Variants in GRXCR1 observed in about 807,000 individuals in gnomAD.
GRXCR1 encodes glutaredoxin domain-containing cysteine-rich protein 1.
Under a neutral mutation model 27.3 loss-of-function variants are expected in GRXCR1, and 27 were observed. The observed-to-expected ratio is 0.99, with a 90% CI of 0.73 to 1.37. The LOEUF (loss-of-function observed/expected upper bound fraction) is 1.37, where lower values mean the gene tolerates loss of function less well. Among genes scored for constraint, GRXCR1 ranks in the 40% most tolerant of loss-of-function variants. GRXCR1 has a pLI of 0.00. For synonymous variants in GRXCR1, 122 were observed against 131.1 expected (o/e 0.93, Z 0.47); for missense variants, 379 against 354.4 (o/e 1.07, Z -0.56).
At chr4:42,962,358 G>C (rs1560666190) in intron 1 of GRXCR1, among the ~76,000 whole-genome samples, 1 of 151,920 alleles carries the variant, frequency 6.6e-6, no homozygotes, top group Admixed American at 6.6e-5. Context: ...TCACTCAACA[G>C]AGCCCTTGCA....
chr4:42,921,228 C>T (rs2109750885), intron 1 of GRXCR1, among the ~76,000 whole-genome samples: 1 of 152,144 alleles, frequency 6.6e-6, no homozygotes, highest in Middle Eastern at 3.4e-3. Context: ...AAGGCATCAT[C>T]TACAAGTAAC....
chr4:42,987,090 G>A (rs909824941), intron 2 of GRXCR1, among the ~76,000 whole-genome samples: 1 of 149,668 alleles, frequency 6.7e-6, no homozygotes, highest in Non-Finnish European at 1.5e-5. Flanking sequence ...TACTATGCTA[G>A]TTGTGCTAAG....
At chr4:42,987,219 ATATTATATATT>A (rs1560676703) in intron 2 of GRXCR1, among the ~76,000 whole-genome samples, 2,972 of 46,700 alleles carry the variant, frequency 0.064, 62 homozygotes, top group African/African-American at 0.098. Context: ...TATTATATAT[ATATTATATATT>A]ATATATATAT....
chr4:42,969,497 C>A (rs1748331598), intron 2 of GRXCR1, among the ~76,000 whole-genome samples: 1 of 152,108 alleles, frequency 6.6e-6, no homozygotes, highest in African/African-American at 2.4e-5. Flanking sequence ...AGAGAACTTA[C>A]AATCATGGCA....
At chr4:42,933,877 C>A (rs1453323354) in intron 1 of GRXCR1, among the ~76,000 whole-genome samples, 1 of 151,696 alleles carries the variant, frequency 6.6e-6, no homozygotes, top group South Asian at 2.1e-4. Context: ...ACACTCACCC[C>A]CAAGAAGGAG....
At chr4:42,959,555 C>CA (rs1748083326) in intron 1 of GRXCR1, among the ~76,000 whole-genome samples, 1 of 151,706 alleles carries the variant, frequency 6.6e-6, no homozygotes, top group African/African-American at 2.4e-5. Context: ...AATTTTACCG[C>CA]AAAAATGTAG....
chr4:43,017,949 C>A (rs934958807), intron 2 of GRXCR1, among the ~76,000 whole-genome samples: 1 of 152,136 alleles, frequency 6.6e-6, no homozygotes, highest in Non-Finnish European at 1.5e-5. Context: ...TTGAGATTTA[C>A]CCCGATAAAT....
intron 2 of GRXCR1, among the ~76,000 whole-genome samples, chr4:42,976,540 C>G (rs973431093): frequency 6.6e-6 from 1 of 151,918 alleles, no homozygotes; most frequent in Non-Finnish European, 1.5e-5. Context: ...ATCACACCCA[C>G]GAAACCAGCA....
At chr4:42,983,270 A>G (rs1488867568) in intron 2 of GRXCR1, among the ~76,000 whole-genome samples, 3 of 147,160 alleles carry the variant, frequency 2.0e-5, no homozygotes, top group South Asian at 2.2e-4. Context: ...AGCTTTCTAC[A>G]TATGGCTAGC....
intron 3 of GRXCR1, among the ~76,000 whole-genome samples, chr4:43,025,474 C>T (rs1713224993): frequency 6.6e-6 from 1 of 152,210 alleles, no homozygotes; most frequent in African/African-American, 2.4e-5. Context: ...AATAAATGAA[C>T]AGAAAGAGGT....
intron 2 of GRXCR1, among the ~76,000 whole-genome samples, chr4:42,995,806 A>G (rs1712136845): frequency 2.0e-5 from 3 of 152,246 alleles, no homozygotes. Context: ...GATTTTGTCC[A>G]TAACAAAATA....
chr4:42,981,063 A>C (rs1748653675), intron 2 of GRXCR1, among the ~76,000 whole-genome samples: 1 of 151,482 alleles, frequency 6.6e-6, no homozygotes, highest in South Asian at 2.1e-4. Flanking sequence ...GCCATTTTGC[A>C]AGTTGTTTCC....
intron 1 of GRXCR1, among the ~76,000 whole-genome samples, chr4:42,955,023 C>T (rs960125195): frequency 3.9e-5 from 6 of 151,946 alleles, no homozygotes; most frequent in African/African-American, 7.3e-5. Context: ...GGAGAGAGAG[C>T]GATATATGTA....
At chr4:42,943,093 C>T (rs751824571) in intron 1 of GRXCR1, among the ~76,000 whole-genome samples, 41 of 152,004 alleles carry the variant, frequency 2.7e-4, no homozygotes, top group Non-Finnish European at 3.5e-4. Context: ...AGAGTTAAAT[C>T]CTGGTTTTCC....
chr4:42,961,675 T>C (rs1169212801), intron 1 of GRXCR1, among the ~76,000 whole-genome samples: 1 of 151,992 alleles, frequency 6.6e-6, no homozygotes, highest in Non-Finnish European at 1.5e-5. Context: ...AAAGAAATGA[T>C]TCTTGCATCT....
chr4:42,947,559 C>T (rs1747776806), intron 1 of GRXCR1, among the ~76,000 whole-genome samples: 1 of 152,056 alleles, frequency 6.6e-6, no homozygotes, highest in Non-Finnish European at 1.5e-5. Flanking sequence ...TAAAATTGTA[C>T]ATGATAAAAT....
rs147970516 is a variant in GRXCR1, at chr4:42,913,435, C to T, written c.384+19785C>T. On this transcript the variant is annotated intron_variant, in intron 1 of 3. Coordinates refer to ENST00000399770, the MANE Select transcript of GRXCR1 (RefSeq NM_001080476.3). ...AAGGTGACCTCGCTACGCTTAACAA[C>T]GAGACTGGCAGCATTTTGCATGTGC... Among the ~76,000 whole-genome samples the T allele has an allele frequency of 1.7e-3, 253 of 152,216 alleles. 2 individuals carry two copies. Among genetic ancestry groups the T allele is most frequent in the African/African-American group, 5.8e-3 (242 of 41,550 alleles).
chr4:42,893,941 G>T (rs1448763837), intron 1 of GRXCR1, among the ~76,000 whole-genome samples: 1 of 152,080 alleles, frequency 6.6e-6, no homozygotes, highest in Non-Finnish European at 1.5e-5. Flanking sequence ...TAAGGAAAAA[G>T]ATAAAACTAT....
chr4:42,893,707 C>A lies in GRXCR1; in HGVS notation c.384+57C>A, dbSNP rs896599444. Reference sequence around the variant, plus strand: ...TTGTTCCTAACTCACCATCTGAACACCTCTCAGTTCTCCAGTTAAAGCAAG... The same window carrying A: ...TTGTTCCTAACTCACCATCTGAACAACTCTCAGTTCTCCAGTTAAAGCAAG... On this transcript the variant is annotated intron_variant, in intron 1 of 3. Transcript: ENST00000399770. The A allele has an allele frequency of 2.0e-5, 30 of 1,517,140 alleles. No individual in the cohort carries two copies. The Admixed American group carries it at 2.5e-4, about 13-fold the overall frequency. The allele number at this position is 1,517,140 out of a possible 1,614,324, so 94.0% of individuals were successfully genotyped here. A position where few individuals can be genotyped will look rare whatever the true frequency, so the allele number is the denominator to read the frequency against.
Sources: gnomAD v4.1 joint callset for allele counts (sites outside exome capture counted in the v4.1 genomes callset) on GRCh38, gnomAD v4.1.1 for gene constraint, MANE v1.5 for transcripts, NCBI Gene and HGNC (gene_info 2026-07-23, HGNC 2026-07-21) for gene names.